Variants in MRTFA observed in about 807,000 individuals in gnomAD.
The protein encoded by MRTFA is myocardin related transcription factor A.
Under a neutral mutation model 83.5 loss-of-function variants are expected in MRTFA, and 20 were observed. That is an observed-to-expected ratio of 0.24 (90% confidence interval 0.17 to 0.35). The LOEUF (loss-of-function observed/expected upper bound fraction) is 0.35, where lower values mean the gene tolerates loss of function less well. Among genes scored for constraint, MRTFA ranks in the 10% least tolerant of loss-of-function variants. MRTFA has a pLI of 1.00. For synonymous variants in MRTFA, 659 were observed against 541.2 expected, an observed-to-expected ratio of 1.22 and a Z score of -3.02; for missense variants, 1,200 against 1,224.7, an observed-to-expected ratio of 0.98 and a Z score of 0.30.
At chr22:40,437,696 G>A (rs562368086) in intron 4 of MRTFA, among the ~76,000 whole-genome samples, 144 of 151,256 alleles carry the variant, frequency 9.5e-4, no homozygotes, top group Non-Finnish European at 1.8e-3. Flanking sequence ...TCAGGAGGCA[G>A]AGGTTGCAGT....
intron 1 of MRTFA, among the ~76,000 whole-genome samples, chr22:40,619,700 T>C (rs1031918412): frequency 6.6e-6 from 1 of 151,722 alleles, no homozygotes. Context: ...CCATCCTGGC[T>C]AACACAGTGA....
At chr22:40,419,481 G>T (rs766146596) in intron 11 of MRTFA, 97 bp from the exon 12 acceptor site, 1 of 1,111,556 alleles carries the variant, frequency 9.0e-7, no homozygotes, top group Non-Finnish European at 1.3e-6. Flanking sequence ...GGCCACTGCA[G>T]ATGCATCAAC....
At chr22:40,506,468 A>G (rs563217486) in intron 3 of MRTFA, among the ~76,000 whole-genome samples, 4 of 152,286 alleles carry the variant, frequency 2.6e-5, no homozygotes, top group African/African-American at 9.6e-5. Flanking sequence ...ATATTTACAT[A>G]TTAATGGGAA....
intron 3 of MRTFA, among the ~76,000 whole-genome samples, chr22:40,529,839 A>G (rs1331636162): frequency 6.6e-6 from 1 of 152,158 alleles, no homozygotes; most frequent in Non-Finnish European, 1.5e-5. Context: ...CATAACAACA[A>G]AAAGTCTCTT....
intron 1 of MRTFA, among the ~76,000 whole-genome samples, chr22:40,612,488 A>G (rs536061983): frequency 6.6e-6 from 1 of 152,348 alleles, no homozygotes; most frequent in African/African-American, 2.4e-5. Context: ...TTGGCACGCA[A>G]ACGTTTTTTG....
At chr22:40,451,092 G>A (rs1223337421) in intron 4 of MRTFA, among the ~76,000 whole-genome samples, 1 of 152,184 alleles carries the variant, frequency 6.6e-6, no homozygotes, top group Non-Finnish European at 1.5e-5. Flanking sequence ...TACTGATGTA[G>A]CTTTTTTCCT....
Position 40,411,530 on chromosome 22 carries a change from C to G in MRTFA, c.2956G>C (p.Asp986His). The G allele has an allele frequency of 6.2e-7, 1 of 1,613,432 alleles. No homozygotes were observed. The highest frequency in any genetic ancestry group is 8.5e-7 in the Non-Finnish European group (1 of 1,179,624). ...GACAGCTCCAGCCAGTCCATGCTGTCCAGGTGGCCATCAGCCAGGTCCAGG... is the reference window on the plus strand; with the variant it reads ...GACAGCTCCAGCCAGTCCATGCTGTGCAGGTGGCCATCAGCCAGGTCCAGG... The change falls in exon 15 of 15, where the codon GAC becomes CAC. Residue 986 changes from aspartate (D) to histidine (H), a missense_variant. Physicochemically the swap from Asp to His is moderately conservative, Grantham distance 81 (BLOSUM62 -1). This residue lies in a region of MRTFA where 1,107 missense variants were observed against 1,041.8 expected (regional missense o/e 1.06). Transcript: ENST00000355630.
chr22:40,480,280 T>A (rs562955783), intron 3 of MRTFA, among the ~76,000 whole-genome samples: 2 of 152,236 alleles, frequency 1.3e-5, no homozygotes, highest in Non-Finnish European at 2.9e-5. Context: ...GTTTATTTTT[T>A]TTTTTTTATG....
intron 2 of MRTFA, among the ~76,000 whole-genome samples, chr22:40,566,648 A>G (rs1010957934): frequency 6.6e-6 from 1 of 152,124 alleles, no homozygotes; most frequent in Admixed American, 6.5e-5. Flanking sequence ...CCTGGCCAAC[A>G]TGTTGAAACC....
intron 1 of MRTFA, among the ~76,000 whole-genome samples, chr22:40,615,521 T>C (rs1435181309): frequency 6.6e-6 from 1 of 152,318 alleles, no homozygotes; most frequent in South Asian, 2.1e-4. Flanking sequence ...GCTGAGATTT[T>C]GGGGAAGACA....
chr22:40,504,796 A>G (rs1461326543), intron 3 of MRTFA, among the ~76,000 whole-genome samples: 1 of 152,216 alleles, frequency 6.6e-6, no homozygotes, highest in Non-Finnish European at 1.5e-5. Flanking sequence ...CCAAATTGGA[A>G]TGAATTCTCT....
At chr22:40,430,272 GA>G (rs1293942220) in intron 6 of MRTFA, among the ~76,000 whole-genome samples, 1 of 152,140 alleles carries the variant, frequency 6.6e-6, no homozygotes, top group Non-Finnish European at 1.5e-5. Context: ...TGGATCACCT[GA>G]GGTCAGGAGT....
chr22:40,585,274 A>C (rs2056011315), intron 2 of MRTFA, among the ~76,000 whole-genome samples: 1 of 152,236 alleles, frequency 6.6e-6, no homozygotes, highest in Non-Finnish European at 1.5e-5. Flanking sequence ...AACATTATAT[A>C]AACTTTTTTA....
chr22:40,609,994 T>C (rs2056367242), intron 1 of MRTFA, among the ~76,000 whole-genome samples: 1 of 151,504 alleles, frequency 6.6e-6, no homozygotes, highest in East Asian at 1.9e-4. Flanking sequence ...AATTAAACTA[T>C]CAAGATTACA....
intron 3 of MRTFA, among the ~76,000 whole-genome samples, chr22:40,481,085 G>C (rs1332255385): frequency 6.6e-6 from 1 of 152,104 alleles, no homozygotes; most frequent in Non-Finnish European, 1.5e-5. Context: ...TCTAGCCTGG[G>C]CAACAGGGTG....
chr22:40,412,064 TTAAAAATATTTGCAAATCACATATTTGA>T lies in MRTFA; in HGVS notation c.2579-185_2579-158del, dbSNP rs1246280238. The T allele has an allele frequency of 1.9e-5, 10 of 528,466 alleles. No individual in the cohort carries two copies. The East Asian group carries it at 3.4e-4, about 18-fold the overall frequency. 32.7% of individuals were successfully genotyped at this position (528,466 alleles called of 1,614,324 possible). On this transcript the variant is annotated intron_variant, in intron 14 of 14. Coordinates refer to ENST00000355630, the MANE Select transcript of MRTFA (RefSeq NM_020831.6). The stretch of plus-strand genomic sequence containing the variant: ...GTAAGAGCTAAGACTATAAAACTCT[TTAAAAATATTTGCAAATCACATATTTGA>T]TAAAGAAGTGATATCCGGAATACAC...
chr22:40,493,106 C>T (rs2054296553), intron 3 of MRTFA, among the ~76,000 whole-genome samples: 1 of 152,148 alleles, frequency 6.6e-6, no homozygotes, highest in Admixed American at 6.5e-5. Flanking sequence ...ATGTCACAGT[C>T]CCATCATTCA....
At chr22:40,478,883 G>A (rs556357290) in intron 3 of MRTFA, among the ~76,000 whole-genome samples, 1 of 152,076 alleles carries the variant, frequency 6.6e-6, no homozygotes, top group Admixed American at 6.5e-5. Flanking sequence ...CCTAGCTGCT[G>A]TTCCACACAC....
chr22:40,628,611 G>A (rs1029330722), intron 1 of MRTFA, among the ~76,000 whole-genome samples: 2 of 151,830 alleles, frequency 1.3e-5, no homozygotes, highest in Admixed American at 6.6e-5. Context: ...AATGAGTGGG[G>A]AGCAAATGAA....
Sources: allele counts gnomAD v4.1 joint callset (sites outside exome capture counted in the v4.1 genomes callset), GRCh38; gene constraint gnomAD v4.1.1; regional missense constraint gnomAD v4.1.1; transcripts MANE v1.5; gene names NCBI Gene and HGNC (gene_info 2026-07-23, HGNC 2026-07-21).